Variants in MICAL3 observed in about 807,000 individuals in gnomAD.
The protein encoded by MICAL3 is [F-actin]-monooxygenase MICAL3.
MICAL3 carries 62 observed loss-of-function variants against 207.4 expected under a neutral mutation model. The observed-to-expected ratio is 0.30, with a 90% confidence interval of 0.24 to 0.37. The LOEUF (loss-of-function observed/expected upper bound fraction) is 0.37. Among genes scored for constraint, MICAL3 ranks in the 10% least tolerant of loss-of-function variants. The pLI is 1.00. For synonymous variants in MICAL3, 1,077 were observed against 1,069.3 expected (o/e 1.01, Z -0.14); for missense variants, 2,368 against 2,635.6 (o/e 0.90, Z 2.22).
intron 1 of MICAL3, among the ~76,000 whole-genome samples, chr22:18,021,999 G>A (rs899374254): frequency 1.3e-5 from 2 of 152,154 alleles, no homozygotes; most frequent in African/African-American, 4.8e-5. Flanking sequence ...GCCTGGTGAA[G>A]TTCTGGCACC....
chr22:17,868,294 C>A (rs1365825764), intron 17 of MICAL3, among the ~76,000 whole-genome samples: 1 of 151,518 alleles, frequency 6.6e-6, no homozygotes, highest in Non-Finnish European at 1.5e-5. Context: ...AAACTCAACA[C>A]GATGGCACTT....
chr22:17,934,196 C>T (rs900529590), intron 1 of MICAL3, among the ~76,000 whole-genome samples: 6 of 152,158 alleles, frequency 3.9e-5, no homozygotes, highest in Admixed American at 1.3e-4. Flanking sequence ...AACATCAATG[C>T]GAAAATCCTC....
In MICAL3 at chr22:17,953,562, T is replaced by C. The variant is rs533608928; in HGVS notation, c.-74-46676A>G. 1.0e-3 allele frequency among the ~76,000 whole-genome samples: 159 copies of C among 152,136 alleles called. 1 individual carries two copies. The highest frequency in any genetic ancestry group is 3.5e-3 in the African/African-American group (144 of 41,508). On this transcript the variant is annotated intron_variant, in intron 1 of 31. Transcript: ENST00000441493. ...TGATCTCTCTGGGACATGGGGGCTATAGGGGACATCAGGGCGGGGGACATC... is the reference window on the plus strand; with the variant it reads ...TGATCTCTCTGGGACATGGGGGCTACAGGGGACATCAGGGCGGGGGACATC...
chr22:17,899,570 G>A (rs1301886239), intron 6 of MICAL3, 22 bp from the exon 7 acceptor site: 2 of 1,482,432 alleles, frequency 1.3e-6, no homozygotes, highest in Non-Finnish European at 1.9e-6. Flanking sequence ...AGACAAACGT[G>A]TGCATGTAAG....
intron 3 of MICAL3, among the ~76,000 whole-genome samples, chr22:17,904,052 C>T (rs1307419768): frequency 6.6e-6 from 1 of 152,198 alleles, no homozygotes; most frequent in Non-Finnish European, 1.5e-5. Flanking sequence ...TTAGAGGTGA[C>T]AAAAGAACAG....
chr22:17,790,969 G>A lies in MICAL3; in HGVS notation c.5824+29C>T, dbSNP rs772298774. ...GGGGCCTGGAGGTGGCACCCACCCT[G>A]GCCTCCATGGGTGCCTTACCCCACT... On this transcript the variant is annotated intron_variant, in intron 31 of 31. Transcript: ENST00000441493. 6.8e-6 allele frequency: 11 copies of A among 1,612,730 alleles called. No homozygotes were observed. In the South Asian group the frequency reaches 7.7e-5, roughly 11 times the overall value.
At chr22:17,835,826 C>T (rs143235940) in intron 20 of MICAL3, among the ~76,000 whole-genome samples, 6 of 152,354 alleles carry the variant, frequency 3.9e-5, no homozygotes, top group African/African-American at 1.4e-4. Flanking sequence ...CAGGGTCACA[C>T]TCTCTCCAAG....
At chr22:17,938,702 G>C (rs1192049568) in intron 1 of MICAL3, among the ~76,000 whole-genome samples, 4 of 152,178 alleles carry the variant, frequency 2.6e-5, no homozygotes, top group African/African-American at 9.7e-5. Context: ...GCGTGGCAGA[G>C]GGTGAGGCCA....
At chr22:17,966,406 G>A (rs1389259553) in intron 1 of MICAL3, among the ~76,000 whole-genome samples, 3 of 152,022 alleles carry the variant, frequency 2.0e-5, no homozygotes, top group African/African-American at 4.8e-5. Context: ...ATCTCTTCTC[G>A]TCCTTTCTGA....
chr22:17,925,662 AT>A (rs376480346), intron 1 of MICAL3, among the ~76,000 whole-genome samples: 3 of 151,628 alleles, frequency 2.0e-5, no homozygotes, highest in Non-Finnish European at 2.9e-5. Flanking sequence ...AACTTAAACA[AT>A]TTTTTTTTAA....
intron 22 of MICAL3, 66 bp from the exon 23 acceptor site, chr22:17,823,126 G>T: frequency 2.8e-6 from 3 of 1,061,638 alleles, no homozygotes. Context: ...GCATCTTCAC[G>T]GGGGCGAGAG....
chr22:17,933,011 CAAT>C (rs1933345805), intron 1 of MICAL3, among the ~76,000 whole-genome samples: 1 of 152,162 alleles, frequency 6.6e-6, no homozygotes, highest in African/African-American at 2.4e-5. Context: ...GAATCCCACA[CAAT>C]AATAATGGGA....
intron 25 of MICAL3, among the ~76,000 whole-genome samples, chr22:17,820,411 G>A (rs1020274004): frequency 3.9e-5 from 6 of 152,206 alleles, no homozygotes; most frequent in Non-Finnish European, 7.3e-5. Context: ...CTGGAGTGCA[G>A]TGGTGCCATC....
chr22:17,974,428 G>A (rs1935544793), intron 1 of MICAL3, among the ~76,000 whole-genome samples: 1 of 152,194 alleles, frequency 6.6e-6, no homozygotes. Context: ...AGAGCTGTGT[G>A]AGGCCAGGTG....
chr22:17,877,522 G>GGAGGTTAGGGAGATTAT (rs1928925024), intron 16 of MICAL3, among the ~76,000 whole-genome samples: 1 of 51,698 alleles, frequency 1.9e-5, no homozygotes, highest in Non-Finnish European at 4.0e-5. Flanking sequence ...AGGGAGGTTA[G>GGAGGTTAGGGAGATTAT]GGAGGTGAGG....
At chr22:17,989,492 A>G (rs1194188417) in intron 1 of MICAL3, among the ~76,000 whole-genome samples, 1 of 151,874 alleles carries the variant, frequency 6.6e-6, no homozygotes, top group Non-Finnish European at 1.5e-5. Context: ...GCAGCTCATC[A>G]ATGCTGAAGG....
chr22:17,859,688 C>T (rs139049488), intron 19 of MICAL3, among the ~76,000 whole-genome samples: 52 of 152,364 alleles, frequency 3.4e-4, no homozygotes, highest in Admixed American at 2.0e-3. Context: ...CCTGCGGGCA[C>T]GCCTGGCAGA....
At chr22:17,982,896 A>G (rs1935990111) in intron 1 of MICAL3, among the ~76,000 whole-genome samples, 1 of 152,210 alleles carries the variant, frequency 6.6e-6, no homozygotes, top group Non-Finnish European at 1.5e-5. Flanking sequence ...GACTGGGTTT[A>G]GCACCCTGGG....
intron 29 of MICAL3, among the ~76,000 whole-genome samples, chr22:17,801,960 G>A (rs555846264): frequency 1.3e-5 from 2 of 152,170 alleles, no homozygotes; most frequent in East Asian, 1.9e-4. Context: ...CAGGAGATGC[G>A]ATGGTGTGTT....
Sources: allele counts gnomAD v4.1 joint callset (sites outside exome capture counted in the v4.1 genomes callset), GRCh38; gene constraint gnomAD v4.1.1; transcripts MANE v1.5; gene names NCBI Gene and HGNC (gene_info 2026-07-23, HGNC 2026-07-21).